The following PTH2R variants were observed in gnomAD, a reference collection of about 807,000 sequenced individuals.
PTH2R encodes PTH2 receptor.
A neutral mutation model predicts 60.3 loss-of-function variants in PTH2R; 59 were observed. The observed-to-expected ratio is 0.98, with a 90% CI of 0.79 to 1.22. The LOEUF (loss-of-function observed/expected upper bound fraction) is 1.22. Among genes scored for constraint, PTH2R ranks in the 50% most tolerant of loss-of-function variants. PTH2R has a pLI of 0.00. For missense variants in PTH2R, 749 were observed against 682.6 expected (o/e 1.10, Z -1.08); for synonymous variants, 256 against 243.8 (o/e 1.05, Z -0.47).
intron 1 of PTH2R, among the ~76,000 whole-genome samples, chr2:208,377,599 C>A (rs1288660547): frequency 1.3e-5 from 2 of 149,762 alleles, no homozygotes; most frequent in Non-Finnish European, 3.0e-5. Flanking sequence ...GGGCTGACCC[C>A]CCACCTGCCT....
chr2:208,488,933 T>C lies in PTH2R; in HGVS notation c.1077-79T>C, dbSNP rs756717847. The C allele has an allele frequency of 9.4e-6, 13 of 1,382,010 alleles. No homozygotes were observed. In the South Asian group the frequency reaches 1.7e-4, roughly 18 times the overall value. The allele number at this position is 1,382,010 out of a possible 1,614,324, so 85.6% of individuals were successfully genotyped here. On this transcript the variant is annotated intron_variant, in intron 10 of 12. Transcript: ENST00000272847. ...CCCACCCCCATTAGCTCTGCTAAGT[T>C]TTTTTTTTCCTCCAGCACGCTGTCT...
chr2:208,467,201 A>G (rs553079564), intron 9 of PTH2R, among the ~76,000 whole-genome samples: 1 of 152,112 alleles, frequency 6.6e-6, no homozygotes, highest in Non-Finnish European at 1.5e-5. Flanking sequence ...AGTTAAAAAA[A>G]TTTTTGTCAG....
intron 1 of PTH2R, among the ~76,000 whole-genome samples, chr2:208,386,012 T>A (rs1320777279): frequency 6.6e-6 from 1 of 152,252 alleles, no homozygotes; most frequent in Non-Finnish European, 1.5e-5. Flanking sequence ...TTTAAGCAGC[T>A]AAATTACTGT....
rs745675929 is a variant in PTH2R at position 208,481,060 on chromosome 2, TC to T, written c.982-9del. ...ACAATAATTCTTTGTAATCTTACCTTCTTTTTCAGCTGAATTTTATTCTGTT... is the reference window on the plus strand; with the variant it reads ...ACAATAATTCTTTGTAATCTTACCTTTTTTTCAGCTGAATTTTATTCTGTT... On this transcript the variant is annotated splice_polypyrimidine_tract_variant and intron_variant, in intron 9 of 12. Coordinates refer to ENST00000272847, the MANE Select transcript of PTH2R (RefSeq NM_005048.4). 6.4e-7 allele frequency: 1 copy of T among 1,558,504 alleles called. No individual in the cohort carries two copies. The highest frequency in any genetic ancestry group is 1.4e-5 in the African/African-American group (1 of 73,522).
intron 10 of PTH2R, among the ~76,000 whole-genome samples, chr2:208,481,923 C>T (rs746655730): frequency 1.8e-4 from 28 of 152,074 alleles, no homozygotes; most frequent in Admixed American, 3.9e-4. Flanking sequence ...AAGGACAAAT[C>T]GAATGTTTGT....
Position 208,493,749 on chromosome 2 carries a change from G to A in PTH2R, c.*90G>A. On this transcript the variant is annotated 3_prime_UTR_variant, in exon 13 of 13. Coordinates refer to ENST00000272847, the MANE Select transcript of PTH2R (RefSeq NM_005048.4). ...GATACTCCTATGCTTGAGTTCAAAG[G>A]CTGAAAATTCAGTTAAGGTGTTACT... 4 of 1,390,456 alleles carry A rather than the reference G, an allele frequency of 2.9e-6. No homozygotes were observed. The highest frequency in any genetic ancestry group is 3.8e-6 in the Non-Finnish European group (4 of 1,045,110). The allele number at this position is 1,390,456 out of a possible 1,614,324, so 86.1% of individuals were successfully genotyped here. A position where few individuals can be genotyped will look rare whatever the true frequency, so the allele number is the denominator to read the frequency against.
rs1702227703 is a variant in PTH2R, at chr2:208,443,439, G to A, written c.601G>A (p.Val201Ile). 1 of 1,613,792 alleles carries A rather than the reference G, an allele frequency of 6.2e-7. No homozygotes were observed. The highest frequency in any genetic ancestry group is 8.5e-7 in the Non-Finnish European group (1 of 1,179,792). Residue 201 changes from valine to isoleucine, a missense_variant, in exon 6 of 13, where the codon GTC (valine) becomes ATC (isoleucine). Transcript: ENST00000272847. ...AAGCATCTTTGTCAAAGACAGAGTA[G>A]TCCATGCTCACATAGGAGTAAAGGA... Reference protein sequence around the residue: ...ATSIFVKDRVVHAHIGVKELE... With the variant: ...ATSIFVKDRVIHAHIGVKELE...
chr2:208,384,697 G>A (rs1700973589), intron 1 of PTH2R, among the ~76,000 whole-genome samples: 1 of 152,186 alleles, frequency 6.6e-6, no homozygotes, highest in African/African-American at 2.4e-5. Context: ...ACATTCGGGT[G>A]ATAACTTCAA....
At chr2:208,382,363 A>G (rs1475065591) in intron 1 of PTH2R, among the ~76,000 whole-genome samples, 2 of 152,118 alleles carry the variant, frequency 1.3e-5, no homozygotes, top group African/African-American at 4.8e-5. Flanking sequence ...AATACTCTGT[A>G]TACTTAAAAT....
intron 9 of PTH2R, among the ~76,000 whole-genome samples, chr2:208,460,412 G>A (rs1013650049): frequency 7.2e-5 from 11 of 152,034 alleles, no homozygotes; most frequent in Non-Finnish European, 1.6e-4. Context: ...CTTTTATTTG[G>A]CATACTTTCC....
intron 8 of PTH2R, among the ~76,000 whole-genome samples, chr2:208,457,313 C>T (rs1221719876): frequency 6.6e-6 from 1 of 152,116 alleles, no homozygotes; most frequent in African/African-American, 2.4e-5. Flanking sequence ...GTAAACAATG[C>T]CAGAAAATGT....
chr2:208,407,058 GGCGTC>G lies in PTH2R; in HGVS notation c.18_22del (p.Ser7ProfsTer21), dbSNP rs780682709. On this transcript the variant is annotated frameshift_variant, in exon 1 of 13. Transcript: ENST00000272847. LOFTEE classifies it high-confidence loss of function. ...CCGTTCCGGGCATGGCCGGGCTGGG[GGCGTC>G]GCTCCACGTCTGGGGTTGGCTAATG... 1.0e-5 allele frequency: 14 copies of G among 1,394,808 alleles called. No homozygotes were observed. The highest frequency in any genetic ancestry group is 1.2e-5 in the Non-Finnish European group (13 of 1,067,862). The allele number at this position is 1,394,808 out of a possible 1,614,324, so 86.4% of individuals were successfully genotyped here. A position where few individuals can be genotyped will look rare whatever the true frequency, so the allele number is the denominator to read the frequency against.
intron 1 of PTH2R, among the ~76,000 whole-genome samples, chr2:208,383,138 T>C (rs1349107910): frequency 6.6e-6 from 1 of 152,252 alleles, no homozygotes; most frequent in Admixed American, 6.5e-5. Context: ...AATTCATCAG[T>C]GGGAAAACTA....
intron 9 of PTH2R, chr2:208,466,624 C>T (rs1368658757): frequency 6.6e-6 from 1 of 152,188 alleles, no homozygotes; most frequent in African/African-American, 2.4e-5. Context: ...CCTCCTAACT[C>T]ATTCCACTTG....
chr2:208,406,804 A>C lies in PTH2R; in HGVS notation c.-240A>C. ...GCGAGTCAAGTCCAGGACTCGGGCC[A>C]GTCTCTCCGGAAGACAAGACCAACC... On this transcript the variant is annotated 5_prime_UTR_variant, in exon 1 of 13. Coordinates refer to ENST00000272847, the MANE Select transcript of PTH2R (RefSeq NM_005048.4). 2.7e-6 allele frequency: 1 copy of C among 364,938 alleles called. No individual in the cohort carries two copies. Among genetic ancestry groups the C allele is most frequent in the Non-Finnish European group, 4.9e-6 (1 of 204,872 alleles). 22.6% of individuals were successfully genotyped at this position (364,938 alleles called of 1,614,324 possible).
chr2:208,429,971 T>C (rs1701937510), intron 2 of PTH2R, among the ~76,000 whole-genome samples: 1 of 152,216 alleles, frequency 6.6e-6, no homozygotes, highest in Non-Finnish European at 1.5e-5. Flanking sequence ...ATGTGGGCTG[T>C]CTGTTTCACC....
chr2:208,408,001 T>G (rs1701453538), intron 1 of PTH2R, among the ~76,000 whole-genome samples: 1 of 152,216 alleles, frequency 6.6e-6, no homozygotes, highest in Admixed American at 6.5e-5. Context: ...AATACTATGT[T>G]CTCGGCTTTC....
chr2:208,428,954 G>A (rs1359604522), intron 2 of PTH2R, among the ~76,000 whole-genome samples: 3 of 151,922 alleles, frequency 2.0e-5, no homozygotes, highest in South Asian at 2.1e-4. Context: ...GCGTGGTGGC[G>A]CATGCCTGTA....
intron 11 of PTH2R, 44 bp downstream of exon 11, chr2:208,489,194 T>G (rs753402848): frequency 6.2e-7 from 1 of 1,610,860 alleles, no homozygotes; most frequent in South Asian, 1.1e-5. Context: ...AATTTGCAGT[T>G]TTTTTTCCTT....
Sources: allele counts gnomAD v4.1 joint callset (sites outside exome capture counted in the v4.1 genomes callset), GRCh38; gene constraint gnomAD v4.1.1; transcripts MANE v1.5; gene names NCBI Gene and HGNC (gene_info 2026-07-23, HGNC 2026-07-21).